The following RANBP9 variants were observed in gnomAD, a reference collection of about 807,000 sequenced individuals.
The protein encoded by RANBP9 is RAN binding protein 9, also known as ran-binding protein 9.
A neutral mutation model predicts 84.3 loss-of-function variants in RANBP9; 15 were observed. That is an observed-to-expected ratio of 0.18 (90% CI 0.12 to 0.27). The LOEUF (loss-of-function observed/expected upper bound fraction) is 0.27. RANBP9 is among the 10% of genes least tolerant of loss of function. The pLI is 1.00. For synonymous variants in RANBP9, 392 were observed against 349.6 expected (o/e 1.12, Z -1.35); for missense variants, 809 against 912.8 (o/e 0.89, Z 1.46).
chr6:13,691,464 C>T (rs970389470), intron 2 of RANBP9, among the ~76,000 whole-genome samples: 3 of 152,082 alleles, frequency 2.0e-5, no homozygotes, highest in Non-Finnish European at 4.4e-5. Flanking sequence ...CTAGAAATAA[C>T]GTACACCATA....
At position 13,632,457 on chromosome 6, in the gene RANBP9, C is replaced by A; in HGVS notation, c.1860G>T (p.Met620Ile). 1 of 1,613,968 alleles carries A rather than the reference C, an allele frequency of 6.2e-7. No individual in the cohort carries two copies. The highest frequency in any genetic ancestry group is 1.1e-5 in the South Asian group (1 of 91,080). The change falls in exon 12 of 14, where the codon ATG becomes ATT. Residue 620 changes from methionine (M) to isoleucine (I), a missense_variant. Coordinates refer to ENST00000011619, the MANE Select transcript of RANBP9 (RefSeq NM_005493.3). ...CGGSQAAIER[M>I]IHFGRELQAM... The stretch of plus-strand genomic sequence containing the variant: ...CTTGCAGCTCTCGTCCAAAGTGGAT[C>A]ATTCTTTCTATGGCGGCCTGACTTC...
At chr6:13,652,247 A>G (rs550745544) in intron 5 of RANBP9, among the ~76,000 whole-genome samples, 4 of 152,334 alleles carry the variant, frequency 2.6e-5, no homozygotes, top group Admixed American at 6.5e-5. Context: ...AAAGTCCAAG[A>G]GGGCAGAGAC....
At chr6:13,650,166 GTT>G (rs749352241) in intron 5 of RANBP9, among the ~76,000 whole-genome samples, 2 of 130,842 alleles carry the variant, frequency 1.5e-5, no homozygotes, top group African/African-American at 2.8e-5. Flanking sequence ...GTGTTTTTTT[GTT>G]TTTTTTTTTT....
rs139737978 is a variant in RANBP9, at chr6:13,673,426, T to C, written c.684-14594A>G. ...TTCTTCAGAGAAAAGGAAAATGATATAGGTGAGAAAATAGAATCCTTATGA... is the reference window on the plus strand; with the variant it reads ...TTCTTCAGAGAAAAGGAAAATGATACAGGTGAGAAAATAGAATCCTTATGA... On this transcript the variant is annotated intron_variant, in intron 2 of 13. Coordinates refer to ENST00000011619, the MANE Select transcript of RANBP9 (RefSeq NM_005493.3). 3.3e-3 allele frequency among the ~76,000 whole-genome samples: 508 copies of C among 152,228 alleles called. 2 individuals are homozygous for C. The highest frequency in any genetic ancestry group is 0.012 in the African/African-American group (494 of 41,550).
chr6:13,635,336 C>T lies in RANBP9; in HGVS notation c.1674-784G>A, dbSNP rs914117673. Among the ~76,000 whole-genome samples, 5 of 152,060 alleles carry T rather than the reference C, an allele frequency of 3.3e-5. No individual in the cohort carries two copies. In the East Asian group the frequency reaches 5.8e-4, roughly 18 times the overall value. ...TCAATGTATGTCCTTCAGAACCATC[C>T]GCACTCTTATAAGCAACAATAAATA... On this transcript the variant is annotated intron_variant, in intron 10 of 13. Transcript: ENST00000011619.
At chr6:13,634,879 A>AG (rs145799789) in intron 10 of RANBP9, among the ~76,000 whole-genome samples, 2,129 of 152,228 alleles carry the variant, frequency 0.014, 56 homozygotes, top group African/African-American at 0.048. Context: ...CGTCTTCGTT[A>AG]ATCAACTGCT....
chr6:13,659,555 T>G (rs1187729987), intron 2 of RANBP9, among the ~76,000 whole-genome samples: 2 of 152,110 alleles, frequency 1.3e-5, no homozygotes, highest in Non-Finnish European at 2.9e-5. Context: ...ACCTGATAAA[T>G]ATAGTTCAAA....
At chr6:13,705,360 T>C (rs1215831230) in intron 1 of RANBP9, among the ~76,000 whole-genome samples, 1 of 120,724 alleles carries the variant, frequency 8.3e-6, no homozygotes, top group Non-Finnish European at 1.6e-5. Flanking sequence ...GCTGACAAAG[T>C]GCCACCACTG....
At chr6:13,642,620 T>G in intron 6 of RANBP9, 29 bp from the exon 7 acceptor site, 1 of 1,445,880 alleles carries the variant, frequency 6.9e-7, no homozygotes, top group Non-Finnish European at 9.6e-7. Flanking sequence ...AACATACATC[T>G]TTTAGTGAAG....
intron 2 of RANBP9, among the ~76,000 whole-genome samples, chr6:13,695,263 C>T (rs1335674093): frequency 6.6e-6 from 1 of 151,980 alleles, no homozygotes; most frequent in Non-Finnish European, 1.5e-5. Flanking sequence ...AACTGGAGAC[C>T]CATCAACCAA....
At chr6:13,710,231 A>C (rs1454156807) in intron 1 of RANBP9, among the ~76,000 whole-genome samples, 1 of 152,094 alleles carries the variant, frequency 6.6e-6, no homozygotes, top group Admixed American at 6.5e-5. Flanking sequence ...ATTTTGTTCC[A>C]TCTTCGTTTT....
intron 2 of RANBP9, among the ~76,000 whole-genome samples, chr6:13,679,516 A>G (rs2113325304): frequency 6.6e-6 from 1 of 152,352 alleles, no homozygotes; most frequent in East Asian, 1.9e-4. Context: ...TGTTAAGGAA[A>G]ATAATCTATC....
At chr6:13,664,051 T>C (rs544785306) in intron 2 of RANBP9, among the ~76,000 whole-genome samples, 1 of 151,864 alleles carries the variant, frequency 6.6e-6, no homozygotes, top group East Asian at 1.9e-4. Flanking sequence ...AAAAGAGAAA[T>C]AAAATGCATA....
intron 1 of RANBP9, among the ~76,000 whole-genome samples, chr6:13,699,344 T>C (rs1364699232): frequency 6.6e-6 from 1 of 152,180 alleles, no homozygotes; most frequent in Non-Finnish European, 1.5e-5. Context: ...CATGTTTAAA[T>C]TAAAATTTAA....
intron 2 of RANBP9, among the ~76,000 whole-genome samples, chr6:13,694,095 G>A (rs1766386802): frequency 6.6e-6 from 1 of 152,098 alleles, no homozygotes; most frequent in African/African-American, 2.4e-5. Flanking sequence ...AACTAGTATA[G>A]CCACTTTGTG....
rs762632907 is a variant in RANBP9 at position 13,711,023 on chromosome 6, T to A, written c.483A>T (p.Gln161His). 2 of 1,604,138 alleles carry A rather than the reference T, an allele frequency of 1.2e-6. No individual in the cohort carries two copies. The highest frequency in any genetic ancestry group is 1.7e-6 in the Non-Finnish European group (2 of 1,175,974). ...LKRLYPAVDE[Q>H]ETPLPRSWSP... ...TCCAGGACCGAGGCAGCGGCGTCTC[T>A]TGTTCGTCCACGGCCGGGTAGAGAC... Residue 161 changes from glutamine (Q) to histidine (H), a missense_variant, in exon 1 of 14, where the codon CAA becomes CAT. By Grantham distance (24) the Gln-to-His change is conservative. Transcript: ENST00000011619.
At chr6:13,625,534 T>C in intron 13 of RANBP9, 119 bp downstream of exon 13, 3 of 589,142 alleles carry the variant, frequency 5.1e-6, no homozygotes, top group Non-Finnish European at 8.8e-6. Flanking sequence ...TTTTATATTT[T>C]AAAAATATAG....
chr6:13,699,585 G>T (rs552079940), intron 1 of RANBP9, among the ~76,000 whole-genome samples: 1 of 152,108 alleles, frequency 6.6e-6, no homozygotes, highest in East Asian at 1.9e-4. Context: ...CCTTTGAGCC[G>T]GGCGTGGTGG....
chr6:13,650,997 A>AG (rs1765282974), intron 5 of RANBP9, among the ~76,000 whole-genome samples: 1 of 152,154 alleles, frequency 6.6e-6, no homozygotes, highest in Admixed American at 6.5e-5. Context: ...AACTGATTTA[A>AG]AAGGTTAGAC....
Sources: gnomAD v4.1 joint callset for allele counts (sites outside exome capture counted in the v4.1 genomes callset) on GRCh38, gnomAD v4.1.1 for gene constraint, MANE v1.5 for transcripts, NCBI Gene and HGNC (gene_info 2026-07-23, HGNC 2026-07-21) for gene names.